Variants in SRBD1 observed in about 807,000 individuals in gnomAD.
SRBD1 encodes the protein S1 RNA-binding domain-containing protein 1.
Under a neutral mutation model 115.3 loss-of-function variants are expected in SRBD1, and 88 were observed. The observed-to-expected ratio is 0.76, with a 90% CI of 0.64 to 0.91. The LOEUF (loss-of-function observed/expected upper bound fraction) is 0.91. SRBD1 is among the 40% of genes least tolerant of loss of function. SRBD1 has a pLI of 0.00. For missense variants in SRBD1, 1,385 were observed against 1,177.4 expected (o/e 1.18, Z -2.58); for synonymous variants, 509 against 407.7 (o/e 1.25, Z -2.99).
At chr2:45,584,807 C>A (rs1393615691) in intron 5 of SRBD1, among the ~76,000 whole-genome samples, 3 of 152,070 alleles carry the variant, frequency 2.0e-5, no homozygotes. Flanking sequence ...CATTCTGTAA[C>A]CATACAAAAC....
chr2:45,458,001 T>C (rs988688138), intron 16 of SRBD1, among the ~76,000 whole-genome samples: 6 of 152,058 alleles, frequency 3.9e-5, no homozygotes, highest in African/African-American at 1.4e-4. Flanking sequence ...AAAAAGCACT[T>C]ACTATTCACA....
At chr2:45,438,997 T>C (rs1448241810) in intron 16 of SRBD1, among the ~76,000 whole-genome samples, 9 of 152,132 alleles carry the variant, frequency 5.9e-5, no homozygotes. Flanking sequence ...AGAATGTACA[T>C]GTTATATATG....
intron 19 of SRBD1, among the ~76,000 whole-genome samples, chr2:45,409,166 G>C (rs1021785393): frequency 6.6e-6 from 1 of 152,084 alleles, no homozygotes; most frequent in African/African-American, 2.4e-5. Context: ...AGGCTGCAGT[G>C]AGCCAAGATC....
chr2:45,548,250 T>A (rs1361820992), intron 12 of SRBD1, among the ~76,000 whole-genome samples: 1 of 150,926 alleles, frequency 6.6e-6, no homozygotes. Flanking sequence ...AAAGCAAAAA[T>A]TAACAGAAAA....
At chr2:45,461,779 C>T (rs942327035) in intron 16 of SRBD1, among the ~76,000 whole-genome samples, 11 of 152,144 alleles carry the variant, frequency 7.2e-5, no homozygotes, top group Non-Finnish European at 1.2e-4. Flanking sequence ...TTTTCCTTGA[C>T]TCTTATTTGA....
At chr2:45,531,042 C>T (rs894584807) in intron 14 of SRBD1, among the ~76,000 whole-genome samples, 18 of 151,866 alleles carry the variant, frequency 1.2e-4, no homozygotes, top group African/African-American at 4.3e-4. Context: ...TCCCTACACA[C>T]ACATACTAGG....
chr2:45,599,715 G>A lies in SRBD1; in HGVS notation c.382C>T (p.Arg128Ter), dbSNP rs139186238. 8.7e-6 allele frequency: 14 copies of A among 1,614,082 alleles called. No individual in the cohort carries two copies. Among genetic ancestry groups the A allele is most frequent in the African/African-American group, 1.3e-5 (1 of 74,988 alleles). ...TCAACTTTCAGCTTTTTAGTCCTTC[G>A]AACTGTATGTGGCTGCGCTGCACAT... ...QKCAAQPHTV[R>*]RTKKLKVEEE... Residue 128 changes from arginine to a stop codon, truncating the protein, a stop_gained, in exon 4 of 21, where the codon CGA becomes TGA. Transcript: ENST00000263736. LOFTEE classifies it high-confidence loss of function.
intron 10 of SRBD1, among the ~76,000 whole-genome samples, chr2:45,556,611 C>T (rs191232406): frequency 8.6e-4 from 130 of 151,930 alleles, no homozygotes; most frequent in Middle Eastern, 3.4e-3. Flanking sequence ...TACAGACGTG[C>T]GCCATCCCGC....
At chr2:45,597,658 C>T (rs1009649517) in intron 4 of SRBD1, among the ~76,000 whole-genome samples, 1 of 152,164 alleles carries the variant, frequency 6.6e-6, no homozygotes, top group African/African-American at 2.4e-5. Flanking sequence ...CTCACAGTTT[C>T]CAATTTCTGG....
intron 14 of SRBD1, among the ~76,000 whole-genome samples, chr2:45,531,024 T>C (rs1204050986): frequency 2.0e-5 from 3 of 151,840 alleles, no homozygotes; most frequent in Non-Finnish European, 4.4e-5. Flanking sequence ...ATAATTTGCG[T>C]ATACTGCTCC....
chr2:45,545,950 A>G (rs1288844543), intron 14 of SRBD1, among the ~76,000 whole-genome samples: 1 of 152,212 alleles, frequency 6.6e-6, no homozygotes, highest in Non-Finnish European at 1.5e-5. Flanking sequence ...TCACCTGCTC[A>G]TCAGTCAACC....
At chr2:45,528,982 G>A (rs1032846071) in intron 14 of SRBD1, among the ~76,000 whole-genome samples, 1 of 151,884 alleles carries the variant, frequency 6.6e-6, no homozygotes, top group African/African-American at 2.4e-5. Flanking sequence ...TGTACAGATA[G>A]AAGTGCTCAA....
At chr2:45,428,532 A>T (rs2103664801) in intron 16 of SRBD1, among the ~76,000 whole-genome samples, 1 of 152,228 alleles carries the variant, frequency 6.6e-6, no homozygotes, top group South Asian at 2.1e-4. Context: ...AGCCTCGGCG[A>T]CAGAACGAGA....
At chr2:45,570,691 C>A (rs1382616377) in intron 9 of SRBD1, among the ~76,000 whole-genome samples, 2 of 152,272 alleles carry the variant, frequency 1.3e-5, no homozygotes, top group East Asian at 3.9e-4. Flanking sequence ...TTAACGTACC[C>A]CAGTCTCCAG....
chr2:45,605,312 A>G (rs1674231272), intron 2 of SRBD1, 50 bp downstream of exon 2: 8 of 1,556,016 alleles, frequency 5.1e-6, no homozygotes, highest in Non-Finnish European at 6.1e-6. Flanking sequence ...ATTACTCCTT[A>G]TTAAAATATT....
chr2:45,427,093 A>C (rs1668176659), intron 16 of SRBD1, among the ~76,000 whole-genome samples: 1 of 152,190 alleles, frequency 6.6e-6, no homozygotes, highest in Non-Finnish European at 1.5e-5. Context: ...CAAGGAAACT[A>C]AGAACCCTGA....
At chr2:45,582,313 G>T (rs1400304490) in intron 5 of SRBD1, among the ~76,000 whole-genome samples, 1 of 152,120 alleles carries the variant, frequency 6.6e-6, no homozygotes, top group Non-Finnish European at 1.5e-5. Context: ...AAATACCGAT[G>T]GAGCATCTTT....
At chr2:45,561,100 CTG>C (rs1430166949) in intron 10 of SRBD1, among the ~76,000 whole-genome samples, 25 of 152,134 alleles carry the variant, frequency 1.6e-4, no homozygotes, top group African/African-American at 6.0e-4. Context: ...GAGTGAGACC[CTG>C]TCTCTCAAAA....
Position 45,433,558 on chromosome 2 carries a change from G to A in SRBD1, c.2050-13664C>T, listed in dbSNP as rs1012760683. Among the ~76,000 whole-genome samples the A allele has an allele frequency of 3.9e-5, 6 of 152,090 alleles. No homozygotes were observed. The South Asian group carries it at 8.3e-4, about 21-fold the overall frequency. On this transcript the variant is annotated intron_variant, in intron 16 of 20. Transcript: ENST00000263736. ...GACAGTTTTTAAGAGTCATCCAAAC[G>A]AGTGTGTGCTGAATGACCCATGACA...
Sources: gnomAD v4.1 joint callset for allele counts (sites outside exome capture counted in the v4.1 genomes callset) on GRCh38, gnomAD v4.1.1 for gene constraint, MANE v1.5 for transcripts, NCBI Gene and HGNC (gene_info 2026-07-23, HGNC 2026-07-21) for gene names.